The following ZNF407 variants were observed in gnomAD, a reference collection of about 807,000 sequenced individuals.
ZNF407 encodes the protein zinc finger protein 407.
Under a neutral mutation model 131.2 loss-of-function variants are expected in ZNF407, and 17 were observed. The ratio of observed to expected loss-of-function variants is 0.13; its 90% confidence interval spans 0.09 to 0.19. ZNF407 has a LOEUF of 0.19. ZNF407 is among the 10% of genes least tolerant of loss of function. The pLI is 1.00. For missense variants in ZNF407, 2,681 were observed against 2,830.6 expected, an observed-to-expected ratio of 0.95 and a Z score of 1.20; for synonymous variants, 1,156 against 1,062.0, an observed-to-expected ratio of 1.09 and a Z score of -1.72.
intron 3 of ZNF407, among the ~76,000 whole-genome samples, chr18:74,660,203 A>AAC (rs1985652247): frequency 6.6e-6 from 1 of 152,124 alleles, no homozygotes; most frequent in Non-Finnish European, 1.5e-5. Context: ...TTTGTTGCTT[A>AAC]ACAACCTCTA....
chr18:74,870,438 T>G (rs775398290), intron 4 of ZNF407, among the ~76,000 whole-genome samples: 19 of 152,214 alleles, frequency 1.2e-4, no homozygotes, highest in Non-Finnish European at 2.1e-4. Flanking sequence ...TTTTCAACTT[T>G]CGTCTTGAAG....
intron 3 of ZNF407, among the ~76,000 whole-genome samples, chr18:74,747,569 A>G (rs552880845): frequency 4.6e-5 from 7 of 152,206 alleles, no homozygotes; most frequent in African/African-American, 1.7e-4. Flanking sequence ...CAGAATTTCA[A>G]ACCACTGATT....
chr18:74,635,444 T>A lies in ZNF407; in HGVS notation c.4425T>A (p.Ser1475Arg), dbSNP rs1984415823. Reference protein sequence around the residue: ...SAGHMRNEQASVEELPEGGAT... With the variant: ...SAGHMRNEQARVEELPEGGAT... ...GCCACATGAGAAATGAGCAGGCCAG[T>A]GTGGAGGAGCTTCCGGAGGGAGGGG... The change falls in exon 2 of 9, where the codon AGT (serine) becomes AGA (arginine). Residue 1475 changes from serine to arginine, a missense_variant. Around this residue, in one of 6 missense-constraint regions of ZNF407, gnomAD observed 213 missense variants for 332.2 expected, o/e 0.64. Transcript: ENST00000299687. The surrounding 1 kb of genome is among the most constrained non-coding windows in gnomAD (Gnocchi z 4.7). 6.2e-7 allele frequency: 1 copy of A among 1,613,424 alleles called. No homozygotes were observed. Among genetic ancestry groups the A allele is most frequent in the Non-Finnish European group, 8.5e-7 (1 of 1,179,684 alleles).
chr18:74,721,546 G>T (rs1439979117), intron 3 of ZNF407, among the ~76,000 whole-genome samples: 1 of 152,172 alleles, frequency 6.6e-6, no homozygotes, highest in Non-Finnish European at 1.5e-5. Context: ...CAGTAAAGTT[G>T]CAGGATACGC....
intron 4 of ZNF407, among the ~76,000 whole-genome samples, chr18:74,845,359 G>T (rs894372832): frequency 6.6e-6 from 1 of 152,118 alleles, no homozygotes; most frequent in African/African-American, 2.4e-5. Flanking sequence ...GAGATAGCGA[G>T]AATTAGCTTC....
intron 8 of ZNF407, among the ~76,000 whole-genome samples, chr18:75,034,524 G>A (rs1269305432): frequency 4.2e-4 from 64 of 151,134 alleles, no homozygotes; most frequent in African/African-American, 1.4e-3. Flanking sequence ...GGATGGTCTC[G>A]ATCTCCTGAC....
At chr18:74,741,429 A>G (rs1209174151) in intron 3 of ZNF407, among the ~76,000 whole-genome samples, 3 of 152,156 alleles carry the variant, frequency 2.0e-5, no homozygotes, top group African/African-American at 7.2e-5. Flanking sequence ...TTACTTCTAA[A>G]TTGTTGGCTA....
Position 74,634,346 on chromosome 18 carries a change from A to C in ZNF407, c.3327A>C (p.Gln1109His), listed in dbSNP as rs374050005. 6.2e-7 allele frequency: 1 copy of C among 1,613,844 alleles called. No homozygotes were observed. Among genetic ancestry groups the C allele is most frequent in the Non-Finnish European group, 8.5e-7 (1 of 1,179,892 alleles). ...EEHQQNSEEF[Q>H]IISGQPSDTL... ...ATCAACAAAATTCTGAGGAATTTCAAATAATTTCAGGTCAACCATCTGATA... is the reference window on the plus strand; with the variant it reads ...ATCAACAAAATTCTGAGGAATTTCACATAATTTCAGGTCAACCATCTGATA... Residue 1109 changes from glutamine to histidine, a missense_variant, in exon 2 of 9, where the codon CAA (glutamine) becomes CAC (histidine). Physicochemically the swap from Gln to His is conservative, Grantham distance 24. Coordinates refer to ENST00000299687, the MANE Select transcript of ZNF407 (RefSeq NM_017757.3).
At chr18:74,730,144 C>T (rs1033533374) in intron 3 of ZNF407, among the ~76,000 whole-genome samples, 1 of 152,152 alleles carries the variant, frequency 6.6e-6, no homozygotes, top group Non-Finnish European at 1.5e-5. Flanking sequence ...ACCTGCTCTT[C>T]AATGCTGTGG....
At chr18:74,872,649 T>C (rs8084906) in intron 4 of ZNF407, among the ~76,000 whole-genome samples, 1 of 150,588 alleles carries the variant, frequency 6.6e-6, no homozygotes, top group African/African-American at 2.4e-5. Flanking sequence ...CCCAGCTACT[T>C]GGGAGGCTGA....
intron 3 of ZNF407, among the ~76,000 whole-genome samples, chr18:74,682,780 C>T (rs1967014219): frequency 6.6e-6 from 1 of 152,148 alleles, no homozygotes; most frequent in Non-Finnish European, 1.5e-5. Flanking sequence ...AGTCTTGTTT[C>T]TAGTGGCATT....
chr18:74,755,508 T>C (rs900014465), intron 3 of ZNF407, among the ~76,000 whole-genome samples: 88 of 151,510 alleles, frequency 5.8e-4, no homozygotes, highest in Non-Finnish European at 8.8e-5. Flanking sequence ...GAACTCTTAA[T>C]TGTATTTCAT....
At chr18:74,645,648 TG>T (rs1473213929) in intron 3 of ZNF407, among the ~76,000 whole-genome samples, 26 of 151,434 alleles carry the variant, frequency 1.7e-4, no homozygotes, top group Admixed American at 1.6e-3. Flanking sequence ...TGTGTGTGTG[TG>T]TGTGTGTGTG....
At position 74,941,510 on chromosome 18, in the gene ZNF407, C is replaced by T. The variant is rs1017167940; in HGVS notation, c.5428+20818C>T. Among the ~76,000 whole-genome samples, 7 of 152,244 alleles carry T rather than the reference C, an allele frequency of 4.6e-5. No homozygotes were observed. The Middle Eastern group carries it at 0.01, about 222-fold the overall frequency. On this transcript the variant is annotated intron_variant, in intron 8 of 8. Transcript: ENST00000299687. ...GATATTCCAGGCATAGAGCAAAAAG[C>T]AAAAACACATACACAACACATAATG...
intron 8 of ZNF407, among the ~76,000 whole-genome samples, chr18:75,057,892 G>A (rs1973579151): frequency 6.6e-6 from 1 of 152,104 alleles, no homozygotes; most frequent in South Asian, 2.1e-4. Context: ...CTTCAAGAGA[G>A]GGGGCCCTTG....
intron 3 of ZNF407, among the ~76,000 whole-genome samples, chr18:74,694,685 G>T (rs1967309979): frequency 6.6e-6 from 1 of 151,948 alleles, no homozygotes; most frequent in South Asian, 2.1e-4. Flanking sequence ...GTTGCCACAG[G>T]GCTCATCTCC....
chr18:74,853,311 G>C (rs1054912296), intron 4 of ZNF407, among the ~76,000 whole-genome samples: 4 of 152,148 alleles, frequency 2.6e-5, no homozygotes, highest in African/African-American at 9.7e-5. Context: ...CCGTTTTCCA[G>C]TTAACAGATG....
chr18:74,799,031 TGTTA>T (rs1170636792), intron 4 of ZNF407, among the ~76,000 whole-genome samples: 1 of 152,138 alleles, frequency 6.6e-6, no homozygotes, highest in South Asian at 2.1e-4. Context: ...AATGATAATT[TGTTA>T]GTTAAAGGCT....
chr18:74,892,210 G>C (rs566460322), intron 7 of ZNF407, among the ~76,000 whole-genome samples: 13 of 152,202 alleles, frequency 8.5e-5, no homozygotes, highest in Non-Finnish European at 1.9e-4. Flanking sequence ...CCAATTAGCC[G>C]CAGCATCCAG....
Sources: gnomAD v4.1 joint callset for allele counts (sites outside exome capture counted in the v4.1 genomes callset) on GRCh38, gnomAD v4.1.1 for gene constraint, gnomAD v4.1.1 regional missense constraint, Gnocchi (gnomAD v3.1) non-coding constraint, MANE v1.5 for transcripts, NCBI Gene and HGNC (gene_info 2026-07-23, HGNC 2026-07-21) for gene names.